The following DCLRE1A variants were observed in gnomAD, a reference collection of about 807,000 sequenced individuals.
DCLRE1A encodes the protein DNA cross-link repair 1A protein.
DCLRE1A carries 64 observed loss-of-function variants against 91.9 expected under a neutral mutation model. The ratio of observed to expected loss-of-function variants is 0.70; its 90% confidence interval spans 0.57 to 0.86. The LOEUF (loss-of-function observed/expected upper bound fraction) is 0.86. Among genes scored for constraint, DCLRE1A ranks in the 40% least tolerant of loss-of-function variants. The pLI is 0.00. For synonymous variants in DCLRE1A, 416 were observed against 431.1 expected (o/e 0.96, Z 0.43); for missense variants, 1,145 against 1,213.3 (o/e 0.94, Z 0.84).
intron 8 of DCLRE1A, among the ~76,000 whole-genome samples, chr10:113,836,451 C>G (rs1436604973): frequency 6.6e-6 from 1 of 151,882 alleles, no homozygotes; most frequent in African/African-American, 2.4e-5. Flanking sequence ...AGATTTGTCC[C>G]CAAGCTTTGC....
rs775443618 is a variant in DCLRE1A, at chr10:113,850,425, T to C, written c.680A>G (p.Asp227Gly). The C allele has an allele frequency of 3.7e-6, 6 of 1,614,058 alleles. No individual in the cohort carries two copies. Among genetic ancestry groups the C allele is most frequent in the Non-Finnish European group, 5.1e-6 (6 of 1,180,042 alleles). ...QNQTDNSVSN[D>G]PLLMTQYFKK... ...AAAATACTGTGTCATCAATAAGGGATCATTTGAAACCGAGTTATCAGTTTG... is the reference window on the plus strand; with the variant it reads ...AAAATACTGTGTCATCAATAAGGGACCATTTGAAACCGAGTTATCAGTTTG... The change falls in exon 2 of 9, where the codon GAT becomes GGT. Residue 227 changes from aspartate (D) to glycine (G), a missense_variant. Transcript: ENST00000361384.
At chr10:113,838,817 C>T (rs1046091724) in intron 7 of DCLRE1A, among the ~76,000 whole-genome samples, 10 of 152,122 alleles carry the variant, frequency 6.6e-5, no homozygotes, top group East Asian at 1.9e-4. Context: ...GTAGCACATA[C>T]GTGAACTTGG....
chr10:113,835,010 C>CAA lies in DCLRE1A; in HGVS notation c.*140_*141dup. 1.1e-6 allele frequency: 1 copy of CAA among 890,526 alleles called. No individual in the cohort carries two copies. The allele number at this position is 890,526 out of a possible 1,614,324, so 55.2% of individuals were successfully genotyped here. A position where few individuals can be genotyped will look rare whatever the true frequency, so the allele number is the denominator to read the frequency against. ...CATTCAGCACCACGAACATGTTGTTCAAACATAAATGAGAAAATAAAGTAT... is the reference window on the plus strand; with the variant it reads ...CATTCAGCACCACGAACATGTTGTTCAAAAACATAAATGAGAAAATAAAGTAT... On this transcript the variant is annotated 3_prime_UTR_variant, in exon 9 of 9. Coordinates refer to ENST00000361384, the MANE Select transcript of DCLRE1A (RefSeq NM_014881.5).
intron 8 of DCLRE1A, among the ~76,000 whole-genome samples, chr10:113,835,690 T>A (rs371615995): frequency 2.6e-5 from 4 of 152,090 alleles, no homozygotes; most frequent in East Asian, 1.9e-4. Flanking sequence ...ATCCCAGCAC[T>A]TTGGGAGGCC....
intron 6 of DCLRE1A, 104 bp from the exon 7 acceptor site, chr10:113,841,664 T>A (rs1845447728): frequency 8.6e-7 from 1 of 1,166,996 alleles, no homozygotes; most frequent in Non-Finnish European, 1.2e-6. Context: ...TAAAAGGAAA[T>A]TCAAAACATT....
chr10:113,847,184 T>A lies in DCLRE1A; in HGVS notation c.2259+18A>T. The A allele has an allele frequency of 1.3e-6, 2 of 1,578,078 alleles. No individual in the cohort carries two copies. Among genetic ancestry groups the A allele is most frequent in the Non-Finnish European group, 1.7e-6 (2 of 1,157,654 alleles). On this transcript the variant is annotated intron_variant, in intron 3 of 8. Transcript: ENST00000361384. ...CACAGCATTCTACAAAGTCAAAAGT[T>A]AGAATACTAAAACTTACCTCACTAC...
In DCLRE1A at chr10:113,834,928, A is replaced by G. The variant is rs1231367428; in HGVS notation, c.*224T>C. On this transcript the variant is annotated 3_prime_UTR_variant, in exon 9 of 9. Transcript: ENST00000361384. ...AACTGCCCATGGAGGGCAGGGGACA[A>G]GAAATTAAGGGTCCCAGGGAGACCC... 2.4e-6 allele frequency: 1 copy of G among 417,588 alleles called. No individual in the cohort carries two copies. The highest frequency in any genetic ancestry group is 4.2e-5 in the Admixed American group (1 of 23,796). 25.9% of individuals were successfully genotyped at this position (417,588 alleles called of 1,614,324 possible). A position where few individuals can be genotyped will look rare whatever the true frequency, so the allele number is the denominator to read the frequency against.
Position 113,849,067 on chromosome 10 carries a change from G to C in DCLRE1A, c.2038C>G (p.Leu680Val). ...KVFTKSAHGG[L>V]QRGNKKIPES... is the part of the protein sequence containing the mutation. ...GGGATTTTCTTGTTGCCCCTTTGCA[G>C]CCCACCATGAGCTGATTTTGTGAAG... The change falls in exon 2 of 9, where the codon CTG (leucine) becomes GTG (valine). Residue 680 changes from leucine (L) to valine (V), a missense_variant. Physicochemically the swap from Leu to Val is conservative, Grantham distance 32. Coordinates refer to ENST00000361384, the MANE Select transcript of DCLRE1A (RefSeq NM_014881.5). 1 of 1,614,068 alleles carries C rather than the reference G, an allele frequency of 6.2e-7. No individual in the cohort carries two copies. Among genetic ancestry groups the C allele is most frequent in the Non-Finnish European group, 8.5e-7 (1 of 1,180,006 alleles).
At chr10:113,846,063 C>T (rs1038283226) in intron 3 of DCLRE1A, among the ~76,000 whole-genome samples, 12 of 152,140 alleles carry the variant, frequency 7.9e-5, no homozygotes, top group Non-Finnish European at 1.8e-4. Context: ...GGTTCCAGCC[C>T]ATTCCTGTGG....
At position 113,853,216 on chromosome 10, in the gene DCLRE1A, T is replaced by C. The variant is rs1212195638; in HGVS notation, c.-34A>G. On this transcript the variant is annotated 5_prime_UTR_variant, in exon 1 of 9. Coordinates refer to ENST00000361384, the MANE Select transcript of DCLRE1A (RefSeq NM_014881.5). ...GATTTTATCATTCAAGAAGTATTAATCTTAAGTAAACTGAAAGTCCATTTC... is the reference window on the plus strand; with the variant it reads ...GATTTTATCATTCAAGAAGTATTAACCTTAAGTAAACTGAAAGTCCATTTC... 6.8e-7 allele frequency: 1 copy of C among 1,475,120 alleles called. No individual in the cohort carries two copies. Among genetic ancestry groups the C allele is most frequent in the African/African-American group, 1.4e-5 (1 of 71,154 alleles). The allele number at this position is 1,475,120 out of a possible 1,614,324, so 91.4% of individuals were successfully genotyped here.
At chr10:113,839,089 G>A (rs976833946) in intron 7 of DCLRE1A, among the ~76,000 whole-genome samples, 13 of 152,132 alleles carry the variant, frequency 8.5e-5, no homozygotes, top group African/African-American at 3.1e-4. Flanking sequence ...ACTTTGGGAG[G>A]CCAAGGCGGG....
chr10:113,835,286 A>G lies in DCLRE1A; in HGVS notation c.2989T>C (p.Tyr997His). Residue 997 changes from tyrosine (Y) to histidine (H), a missense_variant, in exon 9 of 9, where the codon TAC (tyrosine) becomes CAC (histidine). Coordinates refer to ENST00000361384, the MANE Select transcript of DCLRE1A (RefSeq NM_014881.5). Reference protein sequence around the residue: ...YGIPYSEHSSYLEMKRFVQWL... With the variant: ...YGIPYSEHSSHLEMKRFVQWL... ...TGGACAAAGCGCTTCATTTCTAGGTAGCTGCTGTGTTCACTGTAAGGAATT... is the reference window on the plus strand; with the variant it reads ...TGGACAAAGCGCTTCATTTCTAGGTGGCTGCTGTGTTCACTGTAAGGAATT... 3 of 1,612,134 alleles carry G rather than the reference A, an allele frequency of 1.9e-6. No homozygotes were observed. In the South Asian group the frequency reaches 3.3e-5, roughly 18 times the overall value.
At chr10:113,836,995 T>C (rs1845371272) in intron 8 of DCLRE1A, 67 bp downstream of exon 8, 2 of 1,383,508 alleles carry the variant, frequency 1.4e-6, no homozygotes, top group South Asian at 1.5e-5. Flanking sequence ...TTGAACCTTA[T>C]TACATTTTTT....
chr10:113,843,986 C>T, intron 5 of DCLRE1A, 118 bp downstream of exon 5: 3 of 1,378,680 alleles, frequency 2.2e-6, no homozygotes, highest in South Asian at 3.1e-5. Flanking sequence ...AAACAGCATC[C>T]CTCTGATAAA....
Position 113,853,244 on chromosome 10 carries a change from G to C in DCLRE1A, c.-62C>G, listed in dbSNP as rs1249853891. 1.3e-5 allele frequency: 18 copies of C among 1,376,802 alleles called. No homozygotes were observed. The highest frequency in any genetic ancestry group is 1.7e-5 in the Non-Finnish European group (18 of 1,041,754). The allele number at this position is 1,376,802 out of a possible 1,614,324, so 85.3% of individuals were successfully genotyped here. A position where few individuals can be genotyped will look rare whatever the true frequency, so the allele number is the denominator to read the frequency against. ...TAAGTAAACTGAAAGTCCATTTCTT[G>C]TCACAAACAAAAAGTTATAGAATTA... On this transcript the variant is annotated 5_prime_UTR_variant, in exon 1 of 9. Transcript: ENST00000361384.
rs1332063776 is a variant in DCLRE1A, at chr10:113,835,138, C to T, written c.*14G>A. The T allele has an allele frequency of 1.9e-6, 3 of 1,610,598 alleles. No individual in the cohort carries two copies. The highest frequency in any genetic ancestry group is 1.7e-5 in the Admixed American group (1 of 59,464). On this transcript the variant is annotated 3_prime_UTR_variant, in exon 9 of 9. Transcript: ENST00000361384. Reference sequence around the variant, plus strand: ...CCAAGGAACTTAACTACTACTGAATCCTCGGAGGTATCATCAATATCCAGC... The same window carrying T: ...CCAAGGAACTTAACTACTACTGAATTCTCGGAGGTATCATCAATATCCAGC...
In DCLRE1A at chr10:113,848,976, T is replaced by C. The variant is rs781621742; in HGVS notation, c.2125+4A>G. On this transcript the variant is annotated splice_donor_region_variant and intron_variant, in intron 2 of 8. Coordinates refer to ENST00000361384, the MANE Select transcript of DCLRE1A (RefSeq NM_014881.5). ...ATATATCGAGTATTGACATTTCAAC[T>C]TACCAGGTATTTTCTTATAGAATGG... 9 of 1,606,744 alleles carry C rather than the reference T, an allele frequency of 5.6e-6. No homozygotes were observed. Among genetic ancestry groups the C allele is most frequent in the Non-Finnish European group, 7.6e-6 (9 of 1,176,940 alleles).
At position 113,850,166 on chromosome 10, in the gene DCLRE1A, A is replaced by G; in HGVS notation, c.939T>C (p.Asp313=). The G allele has an allele frequency of 6.2e-7, 1 of 1,614,136 alleles. No individual in the cohort carries two copies. Among genetic ancestry groups the G allele is most frequent in the Admixed American group, 1.7e-5 (1 of 60,008 alleles). The change falls in exon 2 of 9, where the codon GAT becomes GAC. Residue 313 remains aspartate, a synonymous_variant. Transcript: ENST00000361384. ...LQSDEDTHDI[D]EKPDDSQEQL... ...GTTCTTGTGAATCATCCGGTTTTTC[A>G]TCGATATCATGAGTGTCTTCATCAC...
In DCLRE1A at chr10:113,850,245, G is replaced by A. The variant is rs17235094; in HGVS notation, c.860C>T (p.Pro287Leu). 0.011 allele frequency: 17,146 copies of A among 1,614,100 alleles called. 125 individuals carry two copies. The highest frequency in any genetic ancestry group is 0.013 in the Non-Finnish European group (14,939 of 1,179,976). Residue 287 changes from proline to leucine, a missense_variant, in exon 2 of 9, where the codon CCA becomes CTA. Coordinates refer to ENST00000361384, the MANE Select transcript of DCLRE1A (RefSeq NM_014881.5). Reference sequence around the variant, plus strand: ...GTCACTGAAGTCATTTTCTGGCAATGGCAAATTTATGTGTTCTGAGTTGTT... The same window carrying A: ...GTCACTGAAGTCATTTTCTGGCAATAGCAAATTTATGTGTTCTGAGTTGTT... Reference protein sequence around the residue: ...LANNSEHINLPLPENDFSDCE... With the variant: ...LANNSEHINLLLPENDFSDCE...
Sources: gnomAD v4.1 joint callset for allele counts (sites outside exome capture counted in the v4.1 genomes callset) on GRCh38, gnomAD v4.1.1 for gene constraint, MANE v1.5 for transcripts, NCBI Gene and HGNC (gene_info 2026-07-23, HGNC 2026-07-21) for gene names.